Variants in MAP3K1 observed in about 807,000 individuals in gnomAD.
MAP3K1 encodes mitogen-activated protein kinase kinase kinase 1.
MAP3K1 carries 36 observed loss-of-function variants against 144.2 expected under a neutral mutation model. The observed-to-expected ratio is 0.25, with a 90% CI of 0.19 to 0.33. The LOEUF (loss-of-function observed/expected upper bound fraction) is 0.33, where lower values mean the gene tolerates loss of function less well. Ranked by LOEUF, MAP3K1 falls within the 10% of genes least tolerant of loss-of-function variation. The pLI, the probability that MAP3K1 is intolerant of heterozygous loss-of-function variation, is 1.00. For synonymous variants in MAP3K1, 718 were observed against 688.7 expected (o/e 1.04, Z -0.67); for missense variants, 1,650 against 1,881.9 (o/e 0.88, Z 2.28).
intron 1 of MAP3K1, among the ~76,000 whole-genome samples, chr5:56,828,331 TGAAAA>T (rs1344981176): frequency 6.6e-6 from 1 of 152,170 alleles, no homozygotes; most frequent in Non-Finnish European, 1.5e-5. Flanking sequence ...TTCTCATCTG[TGAAAA>T]GAAAAGGTTG....
chr5:56,879,158 C>G (rs1222719428), intron 11 of MAP3K1, 57 bp downstream of exon 11: 1 of 1,595,754 alleles, frequency 6.3e-7, no homozygotes, highest in Non-Finnish European at 8.6e-7. Flanking sequence ...TGCCTCGCAG[C>G]AAGCCTCACA....
At chr5:56,889,814 T>C (rs1748492470) in intron 19 of MAP3K1, among the ~76,000 whole-genome samples, 1 of 152,148 alleles carries the variant, frequency 6.6e-6, no homozygotes, top group Non-Finnish European at 1.5e-5. Flanking sequence ...ACCTAGGCCT[T>C]AGTCAAGCAC....
At chr5:56,860,657 A>G (rs1310406027) in intron 3 of MAP3K1, among the ~76,000 whole-genome samples, 1 of 152,112 alleles carries the variant, frequency 6.6e-6, no homozygotes, top group Non-Finnish European at 1.5e-5. Context: ...GTTCGAGACC[A>G]GCTTGGCCAA....
intron 11 of MAP3K1, among the ~76,000 whole-genome samples, chr5:56,879,972 C>T (rs1407585076): frequency 2.0e-5 from 3 of 152,132 alleles, no homozygotes; most frequent in Non-Finnish European, 4.4e-5. Context: ...AAATTAGGTA[C>T]CTACCTTTAA....
At chr5:56,838,410 A>C (rs927256869) in intron 1 of MAP3K1, among the ~76,000 whole-genome samples, 10 of 152,226 alleles carry the variant, frequency 6.6e-5, no homozygotes, top group Admixed American at 3.3e-4. Flanking sequence ...ATTTGGTTCT[A>C]TGAAATTGTA....
In MAP3K1 at chr5:56,882,843, G is replaced by C. The variant is rs1748266239; in HGVS notation, c.3643G>C (p.Asp1215His). The change falls in exon 14 of 20, where the codon GAT (aspartate) becomes CAT (histidine). Residue 1215 changes from aspartate (D) to histidine (H), a missense_variant. This residue lies in a region of MAP3K1 where 841 missense variants were observed against 886.5 expected (regional missense o/e 0.95). Coordinates refer to ENST00000399503, the MANE Select transcript of MAP3K1 (RefSeq NM_005921.2). ...VPQLQVENGEDIIIIQQDTPE... is the reference protein window; with the variant it reads ...VPQLQVENGEHIIIIQQDTPE... ...TCAGCTGCAGGTTGAAAATGGAGAA[G>C]ATATCATCATTATTCAACAGGATGT... 2 of 1,611,006 alleles carry C rather than the reference G, an allele frequency of 1.2e-6. No homozygotes were observed. The highest frequency in any genetic ancestry group is 1.1e-5 in the South Asian group (1 of 91,038).
chr5:56,861,347 G>A (rs1177722010), intron 3 of MAP3K1, among the ~76,000 whole-genome samples: 2 of 151,992 alleles, frequency 1.3e-5, no homozygotes, highest in African/African-American at 4.8e-5. Flanking sequence ...CAAGGTGGGC[G>A]GATCACTGGA....
At chr5:56,826,149 T>G (rs1207737863) in intron 1 of MAP3K1, among the ~76,000 whole-genome samples, 1 of 152,180 alleles carries the variant, frequency 6.6e-6, no homozygotes, top group Non-Finnish European at 1.5e-5. Context: ...CTCTTACCTC[T>G]ATCTAGAATA....
chr5:56,853,152 A>G (rs566286539), intron 1 of MAP3K1, among the ~76,000 whole-genome samples: 2 of 152,322 alleles, frequency 1.3e-5, no homozygotes, highest in South Asian at 4.1e-4. Context: ...TATTTTATAT[A>G]CTATGAAGGA....
chr5:56,832,927 A>G (rs1301929325), intron 1 of MAP3K1, among the ~76,000 whole-genome samples: 1 of 152,234 alleles, frequency 6.6e-6, no homozygotes, highest in Admixed American at 6.5e-5. Context: ...GCTGGAGTGC[A>G]GTGGGGCTAT....
chr5:56,863,103 C>A (rs1056471995), intron 3 of MAP3K1, among the ~76,000 whole-genome samples: 1 of 152,170 alleles, frequency 6.6e-6, no homozygotes, highest in Non-Finnish European at 1.5e-5. Context: ...AATGCCATGC[C>A]CAAGTAAGGC....
chr5:56,872,765 A>G (rs1312869746), intron 8 of MAP3K1, 43 bp downstream of exon 8: 1 of 1,606,066 alleles, frequency 6.2e-7, no homozygotes, highest in Non-Finnish European at 8.5e-7. Flanking sequence ...ATTTTTAAAA[A>G]TTTCTCAGTG....
intron 1 of MAP3K1, among the ~76,000 whole-genome samples, chr5:56,831,460 A>T (rs373629993): frequency 2.0e-4 from 31 of 152,154 alleles, no homozygotes; most frequent in African/African-American, 7.2e-4. Flanking sequence ...ACCTAGCCCT[A>T]ATTTTTTTTT....
At position 56,882,673 on chromosome 5, in the gene MAP3K1, C is replaced by T. The variant is rs778769478; in HGVS notation, c.3473C>T (p.Pro1158Leu). The change falls in exon 14 of 20, where the codon CCT (proline) becomes CTT (leucine). Residue 1158 changes from proline (P) to leucine (L), a missense_variant. Pro to Leu is a moderately conservative substitution (Grantham distance 98). Transcript: ENST00000399503. The part of the protein sequence containing the change: ...TFKSEVAVLS[P>L]EKAENDDTYK... ...AAGTCAGAAGTTGCTGTCCTGTCTC[C>T]TGAAAAGGCTGAAAATGATGATACC... 6.2e-7 allele frequency: 1 copy of T among 1,613,980 alleles called. No individual in the cohort carries two copies. Among genetic ancestry groups the T allele is most frequent in the South Asian group, 1.1e-5 (1 of 91,080 alleles).
At chr5:56,827,573 C>T (rs752984921) in intron 1 of MAP3K1, among the ~76,000 whole-genome samples, 23 of 152,212 alleles carry the variant, frequency 1.5e-4, no homozygotes, top group Non-Finnish European at 3.1e-4. Context: ...TGATTAAGAA[C>T]CTGGGCCTTG....
intron 1 of MAP3K1, among the ~76,000 whole-genome samples, chr5:56,817,295 T>C (rs1412078862): frequency 6.6e-6 from 1 of 152,234 alleles, no homozygotes; most frequent in Non-Finnish European, 1.5e-5. Flanking sequence ...GGAAATGTTT[T>C]TGTGATAGTC....
chr5:56,836,378 G>GA (rs1746656669), intron 1 of MAP3K1, among the ~76,000 whole-genome samples: 1 of 152,172 alleles, frequency 6.6e-6, no homozygotes, highest in South Asian at 2.1e-4. Flanking sequence ...GTGCACGTGG[G>GA]AAGGTAATTC....
chr5:56,838,799 A>G (rs1447491331), intron 1 of MAP3K1, among the ~76,000 whole-genome samples: 1 of 152,198 alleles, frequency 6.6e-6, no homozygotes, highest in African/African-American at 2.4e-5. Context: ...CCCCAAAACC[A>G]GGTGTAGAAA....
chr5:56,823,798 T>C (rs546951945), intron 1 of MAP3K1, among the ~76,000 whole-genome samples: 1 of 152,258 alleles, frequency 6.6e-6, no homozygotes, highest in African/African-American at 2.4e-5. Flanking sequence ...AGAGAGCAAA[T>C]AGCTATACTG....
Sources: allele counts gnomAD v4.1 joint callset (sites outside exome capture counted in the v4.1 genomes callset), GRCh38; gene constraint gnomAD v4.1.1; regional missense constraint gnomAD v4.1.1; transcripts MANE v1.5; gene names NCBI Gene and HGNC (gene_info 2026-07-23, HGNC 2026-07-21).